Variants in SAMD3 observed in about 807,000 individuals in gnomAD.
SAMD3 encodes sterile alpha motif domain-containing protein 3.
SAMD3 carries 63 observed loss-of-function variants against 58.5 expected under a neutral mutation model. The observed-to-expected ratio is 1.08, with a 90% CI of 0.88 to 1.33. The LOEUF is 1.33. Among genes scored for constraint, SAMD3 ranks in the 40% most tolerant of loss-of-function variants. The probability of loss-of-function intolerance (pLI) is 0.00; values close to 1 mark genes in which losing one functional copy is unlikely to be tolerated. For synonymous variants in SAMD3, 220 were observed against 210.3 expected, an observed-to-expected ratio of 1.05 and a Z score of -0.40; for missense variants, 604 against 608.4, an observed-to-expected ratio of 0.99 and a Z score of 0.08.
At chr6:130,181,543 C>T (rs1792331761) in intron 7 of SAMD3, among the ~76,000 whole-genome samples, 1 of 152,138 alleles carries the variant, frequency 6.6e-6, no homozygotes, top group Non-Finnish European at 1.5e-5. Context: ...GTGAATGTCA[C>T]TGGGAACAGA....
intron 2 of SAMD3, among the ~76,000 whole-genome samples, chr6:130,292,248 A>T (rs1775386213): frequency 6.6e-6 from 1 of 150,996 alleles, no homozygotes; most frequent in South Asian, 2.1e-4. Flanking sequence ...AATTCTCAGG[A>T]ATAACTTTTT....
intron 9 of SAMD3, among the ~76,000 whole-genome samples, chr6:130,146,554 C>A (rs758887312): frequency 1.3e-5 from 2 of 152,186 alleles, no homozygotes; most frequent in African/African-American, 2.4e-5. Context: ...TCTTGTTCAA[C>A]AAGCAGCAAA....
At chr6:130,211,562 G>T (rs1795565196) in intron 4 of SAMD3, among the ~76,000 whole-genome samples, 1 of 152,038 alleles carries the variant, frequency 6.6e-6, no homozygotes, top group African/African-American at 2.4e-5. Flanking sequence ...GGCATTACAG[G>T]CATAACCCAC....
Position 130,144,410 on chromosome 6 carries a change from A to C in SAMD3, c.*110T>G. 3 of 941,384 alleles carry C rather than the reference A, an allele frequency of 3.2e-6. No homozygotes were observed. Among genetic ancestry groups the C allele is most frequent in the Non-Finnish European group, 4.8e-6 (3 of 629,994 alleles). The allele number at this position is 941,384 out of a possible 1,614,324, so 58.3% of individuals were successfully genotyped here. On this transcript the variant is annotated 3_prime_UTR_variant, in exon 12 of 12. Coordinates refer to ENST00000439090, the MANE Select transcript of SAMD3 (RefSeq NM_001017373.4). ...TTGAAATTCATTAGCATCTATAAAT[A>C]CAAGATGATTTTCTCATACCTACCT...
chr6:130,362,675 G>T (rs1255344765), intron 1 of SAMD3, among the ~76,000 whole-genome samples: 1 of 152,034 alleles, frequency 6.6e-6, no homozygotes, highest in Non-Finnish European at 1.5e-5. Context: ...TAACAAGGAG[G>T]TATCTGATTA....
At position 130,175,800 on chromosome 6, in the gene SAMD3, A is replaced by C. The variant is rs190931850; in HGVS notation, c.822+41T>G. 1,002 of 1,277,046 alleles carry C rather than the reference A, an allele frequency of 7.8e-4. 2 individuals are homozygous for C. The highest frequency in any genetic ancestry group is 1.0e-3 in the Non-Finnish European group (917 of 891,194). 79.1% of individuals were successfully genotyped at this position (1,277,046 alleles called of 1,614,324 possible). A position where few individuals can be genotyped will look rare whatever the true frequency, so the allele number is the denominator to read the frequency against. ...TTTATTATCCCTTAATCAATATATC[A>C]ATCTATCAAGTCATCAGAACATTTA... On this transcript the variant is annotated intron_variant, in intron 8 of 11. Coordinates refer to ENST00000439090, the MANE Select transcript of SAMD3 (RefSeq NM_001017373.4).
At chr6:130,298,466 T>C (rs879488677) in intron 2 of SAMD3, among the ~76,000 whole-genome samples, 2 of 152,160 alleles carry the variant, frequency 1.3e-5, no homozygotes, top group African/African-American at 4.8e-5. Context: ...AATTATATAA[T>C]TGAGACTACA....
chr6:130,351,614 T>C (rs1777668671), intron 1 of SAMD3, among the ~76,000 whole-genome samples: 1 of 152,112 alleles, frequency 6.6e-6, no homozygotes, highest in Admixed American at 6.5e-5. Flanking sequence ...TAGGAACACT[T>C]TTACACTGTT....
intron 2 of SAMD3, among the ~76,000 whole-genome samples, chr6:130,247,352 A>G (rs1773583434): frequency 6.6e-6 from 1 of 152,126 alleles, no homozygotes; most frequent in African/African-American, 2.4e-5. Context: ...CTGTAAACCC[A>G]GCTACATGGG....
intron 9 of SAMD3, among the ~76,000 whole-genome samples, chr6:130,151,785 G>A (rs145830619): frequency 9.6e-4 from 146 of 152,122 alleles, no homozygotes; most frequent in African/African-American, 3.2e-3. Context: ...CGATTCTCAC[G>A]TACTTCACTT....
chr6:130,342,849 AGTGT>A (rs1777315224), intron 1 of SAMD3, among the ~76,000 whole-genome samples: 1 of 152,156 alleles, frequency 6.6e-6, no homozygotes, highest in African/African-American at 2.4e-5. Flanking sequence ...TTATCTACAG[AGTGT>A]TAAAGGAAAG....
intron 1 of SAMD3, among the ~76,000 whole-genome samples, chr6:130,335,931 G>A (rs7765838): frequency 0.46 from 69,496 of 151,530 alleles, 18,803 homozygotes; most frequent in African/African-American, 0.76. Flanking sequence ...ACCAAACACC[G>A]CATATTCTCA....
chr6:130,181,571 C>G lies in SAMD3; in HGVS notation c.654+2532G>C, dbSNP rs900127677. 5.9e-5 allele frequency among the ~76,000 whole-genome samples: 9 copies of G among 152,256 alleles called. No homozygotes were observed. The South Asian group carries it at 6.2e-4, about 11-fold the overall frequency. ...GGAACAGATGTGGATAAAATGGACA[C>G]AAGAGCAAAGAAAGCATTATTTGTT... On this transcript the variant is annotated intron_variant, in intron 7 of 11. Coordinates refer to ENST00000439090, the MANE Select transcript of SAMD3 (RefSeq NM_001017373.4).
chr6:130,363,328 T>A (rs747924765), intron 1 of SAMD3, among the ~76,000 whole-genome samples: 1 of 152,242 alleles, frequency 6.6e-6, no homozygotes, highest in Non-Finnish European at 1.5e-5. Flanking sequence ...CATGACCTCT[T>A]AAGAATACTC....
At chr6:130,148,406 T>G (rs1788837561) in intron 9 of SAMD3, among the ~76,000 whole-genome samples, 1 of 152,214 alleles carries the variant, frequency 6.6e-6, no homozygotes, top group Non-Finnish European at 1.5e-5. Flanking sequence ...TCTTGGCATG[T>G]CCTTATTAGT....
intron 5 of SAMD3, among the ~76,000 whole-genome samples, chr6:130,195,410 T>C (rs1794002500): frequency 6.6e-6 from 1 of 152,052 alleles, no homozygotes; most frequent in African/African-American, 2.4e-5. Context: ...GCCTATAAAC[T>C]CTCCTTACAA....
intron 1 of SAMD3, among the ~76,000 whole-genome samples, chr6:130,356,071 T>G (rs150425378): frequency 6.6e-6 from 1 of 152,120 alleles, no homozygotes; most frequent in Non-Finnish European, 1.5e-5. Context: ...ATTGTGAAAA[T>G]GCGAATCAGA....
At chr6:130,338,404 T>C (rs561233611) in intron 1 of SAMD3, among the ~76,000 whole-genome samples, 11 of 152,300 alleles carry the variant, frequency 7.2e-5, no homozygotes, top group African/African-American at 2.4e-4. Flanking sequence ...AAATGTGGGG[T>C]TGTAGCCCCC....
At chr6:130,365,282 C>T (rs532533989) in exon 1 of SAMD3, 1 of 985,518 alleles carries the variant, frequency 1.0e-6, no homozygotes, top group Admixed American at 6.1e-5. Context: ...AACATCCGCA[C>T]TGCTCATCGA....
Sources: allele counts gnomAD v4.1 joint callset (sites outside exome capture counted in the v4.1 genomes callset), GRCh38; gene constraint gnomAD v4.1.1; transcripts MANE v1.5; gene names NCBI Gene and HGNC (gene_info 2026-07-23, HGNC 2026-07-21).